The following RELCH variants were observed in gnomAD, a reference collection of about 807,000 sequenced individuals.
RELCH encodes RAB11 binding and LisH domain, coiled-coil and HEAT repeat containing, also known as RAB11-binding protein RELCH.
RELCH carries 41 observed loss-of-function variants against 150.3 expected under a neutral mutation model. The observed-to-expected ratio is 0.27, with a 90% CI of 0.21 to 0.35. RELCH has a LOEUF of 0.35. RELCH is among the 10% of genes least tolerant of loss of function. The pLI is 1.00. For synonymous variants in RELCH, 478 were observed against 531.8 expected, an observed-to-expected ratio of 0.90 and a Z score of 1.39; for missense variants, 1,092 against 1,467.8, an observed-to-expected ratio of 0.74 and a Z score of 4.18.
At chr18:62,261,006 T>C (rs922951960) in intron 15 of RELCH, among the ~76,000 whole-genome samples, 15 of 151,950 alleles carry the variant, frequency 9.9e-5, no homozygotes, top group African/African-American at 3.6e-4. Context: ...AACAATAATG[T>C]GTTATATATT....
intron 12 of RELCH, among the ~76,000 whole-genome samples, chr18:62,254,956 G>A (rs2042920241): frequency 6.6e-6 from 1 of 152,060 alleles, no homozygotes; most frequent in African/African-American, 2.4e-5. Flanking sequence ...TCTAGCAAGG[G>A]TTCTGGTCAA....
intron 1 of RELCH, among the ~76,000 whole-genome samples, chr18:62,193,278 G>A (rs1006142180): frequency 2.6e-5 from 4 of 152,112 alleles, no homozygotes; most frequent in East Asian, 3.9e-4. Context: ...GGCTGAGACA[G>A]TGGGGTTTTC....
intron 1 of RELCH, among the ~76,000 whole-genome samples, chr18:62,203,986 CAGCA>C (rs2039618675): frequency 6.6e-6 from 1 of 151,960 alleles, no homozygotes; most frequent in South Asian, 2.1e-4. Flanking sequence ...CTCAAAAAAA[CAGCA>C]AGATATAAGA....
At position 62,275,367 on chromosome 18, in the gene RELCH, C is replaced by G; in HGVS notation, c.2868-7C>G. 1 of 1,177,538 alleles carries G rather than the reference C, an allele frequency of 8.5e-7. No homozygotes were observed. Among genetic ancestry groups the G allele is most frequent in the Non-Finnish European group, 1.1e-6 (1 of 903,886 alleles). The allele number at this position is 1,177,538 out of a possible 1,614,324, so 72.9% of individuals were successfully genotyped here. A position where few individuals can be genotyped will look rare whatever the true frequency, so the allele number is the denominator to read the frequency against. On this transcript the variant is annotated splice_polypyrimidine_tract_variant and splice_region_variant and intron_variant, in intron 21 of 28. Coordinates refer to ENST00000644646, the MANE Select transcript of RELCH (RefSeq NM_001346231.2). ...ATTTTAACACTGTTTTTTTTTTTTT[C>G]TTCTAGTGCAAACCCAGCCTACCAT...
intron 11 of RELCH, chr18:62,247,406 G>A (rs2042471426): frequency 6.6e-6 from 1 of 151,842 alleles, no homozygotes; most frequent in African/African-American, 2.4e-5. Context: ...TAGGCTTAGA[G>A]GAAAAAGATT....
At chr18:62,243,253 T>G (rs543527521) in intron 10 of RELCH, among the ~76,000 whole-genome samples, 1 of 152,212 alleles carries the variant, frequency 6.6e-6, no homozygotes, top group South Asian at 2.1e-4. Context: ...TATTGTTAAA[T>G]TTCCAGCCAG....
At chr18:62,197,320 C>G (rs2039116313) in intron 1 of RELCH, among the ~76,000 whole-genome samples, 1 of 152,164 alleles carries the variant, frequency 6.6e-6, no homozygotes, top group Non-Finnish European at 1.5e-5. Context: ...ATGCTTTCTA[C>G]TTTTCAAACA....
In RELCH at chr18:62,307,469, G is replaced by T. The variant is rs1227894562; in HGVS notation, c.*1935G>T. On this transcript the variant is annotated 3_prime_UTR_variant, in exon 29 of 29. Transcript: ENST00000644646. ...ATTTAAGTGCTAATGTTTTTTTAAA[G>T]GCAATAGTAGGCAAGATTCACAGTG... is the stretch of plus-strand genomic sequence containing the variant. 1 of 152,002 alleles carries T rather than the reference G, an allele frequency of 6.6e-6. No individual in the cohort carries two copies. The highest frequency in any genetic ancestry group is 1.5e-5 in the Non-Finnish European group (1 of 67,970). 9.4% of individuals were successfully genotyped at this position (152,002 alleles called of 1,614,324 possible). A position where few individuals can be genotyped will look rare whatever the true frequency, so the allele number is the denominator to read the frequency against.
chr18:62,220,060 C>T (rs2040752184), intron 2 of RELCH, among the ~76,000 whole-genome samples: 1 of 151,988 alleles, frequency 6.6e-6, no homozygotes, highest in Non-Finnish European at 1.5e-5. Context: ...TATTTTTTCT[C>T]AAGTCTAACA....
chr18:62,274,026 C>T lies in RELCH; in HGVS notation c.2807C>T (p.Thr936Met), dbSNP rs767841073. The T allele has an allele frequency of 5.6e-6, 9 of 1,613,040 alleles. No individual in the cohort carries two copies. The highest frequency in any genetic ancestry group is 1.7e-5 in the Admixed American group (1 of 59,964). The change falls in exon 21 of 29, where the codon ACG becomes ATG. Residue 936 changes from threonine (T) to methionine (M), a missense_variant. By Grantham distance (81) the Thr-to-Met change is moderately conservative. Around this residue, in one of 4 missense-constraint regions of RELCH, gnomAD observed 707 missense variants for 1,025.4 expected, o/e 0.69. Coordinates refer to ENST00000644646, the MANE Select transcript of RELCH (RefSeq NM_001346231.2). Reference sequence around the variant, plus strand: ...GTTGGATTCTTAGAAGATGTAATGACGCTGCTTTCATTATCTCATGCTCCT... The same window carrying T: ...GTTGGATTCTTAGAAGATGTAATGATGCTGCTTTCATTATCTCATGCTCCT... ...LLVGFLEDVM[T>M]LLSLSHAPLD...
chr18:62,221,532 T>C (rs1472574609), intron 5 of RELCH, 35 bp downstream of exon 5: 1 of 980,794 alleles, frequency 1.0e-6, no homozygotes, highest in Non-Finnish European at 1.5e-6. Context: ...GTGATTTTTT[T>C]CTACACTTAT....
chr18:62,194,683 G>A (rs921883975), intron 1 of RELCH, among the ~76,000 whole-genome samples: 13 of 152,100 alleles, frequency 8.5e-5, no homozygotes, highest in African/African-American at 1.2e-4. Context: ...TTAGCATGTC[G>A]ATTGATACTA....
chr18:62,211,278 G>A (rs1020848898), intron 2 of RELCH, 36 bp downstream of exon 2: 1 of 1,273,322 alleles, frequency 7.9e-7, no homozygotes. Flanking sequence ...TGGATTCTTT[G>A]ACATTCCAGA....
chr18:62,199,582 G>T (rs185269601), intron 1 of RELCH, among the ~76,000 whole-genome samples: 1 of 152,126 alleles, frequency 6.6e-6, no homozygotes, highest in Non-Finnish European at 1.5e-5. Flanking sequence ...TATAAGTTGG[G>T]AATATTTTCT....
At chr18:62,232,266 CT>C (rs2041629787) in intron 9 of RELCH, 65 bp from the exon 10 acceptor site, 1 of 1,056,216 alleles carries the variant, frequency 9.5e-7, no homozygotes, top group African/African-American at 1.6e-5. Flanking sequence ...AAAGAATGAA[CT>C]TTTCCATATT....
At chr18:62,211,820 T>G (rs1425614895) in intron 2 of RELCH, among the ~76,000 whole-genome samples, 3 of 152,128 alleles carry the variant, frequency 2.0e-5, no homozygotes, top group African/African-American at 7.2e-5. Context: ...GTTAAAATAC[T>G]TCTGTGCTTG....
At chr18:62,191,158 C>T (rs775273516) in intron 1 of RELCH, among the ~76,000 whole-genome samples, 78 of 152,214 alleles carry the variant, frequency 5.1e-4, no homozygotes, top group Admixed American at 1.6e-3. Flanking sequence ...CTCCCATTTA[C>T]GTCTTTATGA....
intron 1 of RELCH, among the ~76,000 whole-genome samples, chr18:62,192,543 C>A (rs1415844027): frequency 1.3e-5 from 2 of 152,152 alleles, no homozygotes; most frequent in African/African-American, 2.4e-5. Flanking sequence ...AGTCTTTAAT[C>A]CACCTTGAGT....
chr18:62,249,328 TATCAAA>T (rs1398306407), intron 11 of RELCH, among the ~76,000 whole-genome samples: 1 of 152,150 alleles, frequency 6.6e-6, no homozygotes, highest in Non-Finnish European at 1.5e-5. Flanking sequence ...TTTCTGCAAT[TATCAAA>T]ATATACCTGA....
Sources: gnomAD v4.1 joint callset for allele counts (sites outside exome capture counted in the v4.1 genomes callset) on GRCh38, gnomAD v4.1.1 for gene constraint, gnomAD v4.1.1 regional missense constraint, MANE v1.5 for transcripts, NCBI Gene and HGNC (gene_info 2026-07-23, HGNC 2026-07-21) for gene names.